The following CEMIP2 variants were observed in gnomAD, a reference collection of about 807,000 sequenced individuals.
CEMIP2 encodes cell surface hyaluronidase CEMIP2.
CEMIP2 carries 79 observed loss-of-function variants against 146.9 expected under a neutral mutation model. The observed-to-expected ratio is 0.54, with a 90% CI of 0.45 to 0.65. CEMIP2 has a LOEUF of 0.65. CEMIP2 is among the 30% of genes least tolerant of loss of function. The pLI is 0.00. For synonymous variants in CEMIP2, 601 were observed against 606.3 expected (o/e 0.99, Z 0.13); for missense variants, 1,596 against 1,696.2 (o/e 0.94, Z 1.04).
rs147290660 is a variant in CEMIP2, at chr9:71,727,290, G to A, written c.2050-1581C>T. Among the ~76,000 whole-genome samples the A allele has an allele frequency of 6.3e-4, 96 of 152,238 alleles. No homozygotes were observed. The East Asian group carries it at 9.8e-3, about 16-fold the overall frequency. On this transcript the variant is annotated intron_variant, in intron 10 of 23. Coordinates refer to ENST00000377044, the MANE Select transcript of CEMIP2 (RefSeq NM_013390.3). ...AGAAATCTTTGTTCTGACTGTTGAC[G>A]CATAATGTTACATAGATCAGAAGAT...
intron 2 of CEMIP2, among the ~76,000 whole-genome samples, chr9:71,748,022 G>C (rs185682950): frequency 6.6e-6 from 1 of 152,088 alleles, no homozygotes; most frequent in Non-Finnish European, 1.5e-5. Context: ...TTAATAATGA[G>C]GATTCCTTAA....
chr9:71,692,650 T>C (rs549409808), intron 21 of CEMIP2, among the ~76,000 whole-genome samples: 13 of 152,266 alleles, frequency 8.5e-5, no homozygotes, highest in South Asian at 2.1e-4. Flanking sequence ...GGCTCACACC[T>C]GTAATCCCAG....
intron 1 of CEMIP2, among the ~76,000 whole-genome samples, chr9:71,767,641 T>G (rs1026001009): frequency 9.2e-5 from 14 of 152,188 alleles, no homozygotes; most frequent in Admixed American, 7.9e-4. Context: ...CCACTAGTGC[T>G]ATTAACAGCA....
intron 21 of CEMIP2, among the ~76,000 whole-genome samples, chr9:71,693,193 C>T (rs1204711337): frequency 6.6e-6 from 1 of 152,112 alleles, no homozygotes; most frequent in Non-Finnish European, 1.5e-5. Flanking sequence ...TTATGTTGCC[C>T]ACCACTAAAA....
chr9:71,686,315 G>A (rs1822059605), intron 22 of CEMIP2: 1 of 159,634 alleles, frequency 6.3e-6, no homozygotes, highest in South Asian at 1.8e-4. Context: ...GAGGGATCTA[G>A]GTTGTGTGCT....
intron 18 of CEMIP2, among the ~76,000 whole-genome samples, chr9:71,702,874 G>A (rs1208247110): frequency 6.6e-6 from 1 of 152,086 alleles, no homozygotes; most frequent in Non-Finnish European, 1.5e-5. Flanking sequence ...AGTATCTGAT[G>A]GAAAGGTATG....
chr9:71,746,126 T>C, intron 3 of CEMIP2, 75 bp downstream of exon 3: 1 of 1,519,174 alleles, frequency 6.6e-7, no homozygotes, highest in Non-Finnish European at 8.9e-7. Context: ...AATAGTCTTC[T>C]ACATAAGGAA....
At chr9:71,691,211 T>A (rs1418157792) in intron 21 of CEMIP2, among the ~76,000 whole-genome samples, 1 of 152,136 alleles carries the variant, frequency 6.6e-6, no homozygotes, top group Non-Finnish European at 1.5e-5. Flanking sequence ...GGTGGGTGAA[T>A]CACCTGAGGT....
chr9:71,688,991 C>T (rs1052866680), intron 22 of CEMIP2, among the ~76,000 whole-genome samples: 2 of 152,256 alleles, frequency 1.3e-5, no homozygotes, highest in Admixed American at 1.3e-4. Context: ...TCTTAAAAGC[C>T]TTTCTGTTAA....
Position 71,685,071 on chromosome 9 carries a change from T to G in CEMIP2, c.*126A>C. The G allele has an allele frequency of 2.3e-6, 2 of 863,980 alleles. No individual in the cohort carries two copies. Among genetic ancestry groups the G allele is most frequent in the Non-Finnish European group, 3.4e-6 (2 of 593,338 alleles). The allele number at this position is 863,980 out of a possible 1,614,324, so 53.5% of individuals were successfully genotyped here. ...AAGCAATAATTTCAAACGCTTTCTTTTCTCCCCATTCTGTATCAAACTGGA... is the reference window on the plus strand; with the variant it reads ...AAGCAATAATTTCAAACGCTTTCTTGTCTCCCCATTCTGTATCAAACTGGA... On this transcript the variant is annotated 3_prime_UTR_variant, in exon 24 of 24. Coordinates refer to ENST00000377044, the MANE Select transcript of CEMIP2 (RefSeq NM_013390.3).
At chr9:71,721,956 G>A (rs62546998) in intron 12 of CEMIP2, among the ~76,000 whole-genome samples, 14,651 of 152,148 alleles carry the variant, frequency 0.096, 761 homozygotes, top group Admixed American at 0.14. Context: ...GGCTACAAAG[G>A]GCTGAACCAG....
At position 71,746,293 on chromosome 9, in the gene CEMIP2, T is replaced by A. The variant is rs145273850; in HGVS notation, c.380A>T (p.Gln127Leu). 6.9e-4 allele frequency: 1,110 copies of A among 1,613,968 alleles called. 2 individuals are homozygous for A. Among genetic ancestry groups the A allele is most frequent in the Non-Finnish European group, 8.9e-4 (1,050 of 1,179,848 alleles). Reference sequence around the variant, plus strand: ...GATAACAACTTGCTTTGCAGAATCTTGTCCTGGATCCCAATTCCTGAGACG... The same window carrying A: ...GATAACAACTTGCTTTGCAGAATCTAGTCCTGGATCCCAATTCCTGAGACG... ...NPRLRNWDPG[Q>L]DSAKQVVIKE... Residue 127 changes from glutamine to leucine, a missense_variant, in exon 3 of 24, where the codon CAA becomes CTA. Gln to Leu is a moderately radical substitution (Grantham distance 113). Coordinates refer to ENST00000377044, the MANE Select transcript of CEMIP2 (RefSeq NM_013390.3).
At chr9:71,763,034 A>G (rs1253845186) in intron 1 of CEMIP2, among the ~76,000 whole-genome samples, 1 of 151,900 alleles carries the variant, frequency 6.6e-6, no homozygotes, top group Non-Finnish European at 1.5e-5. Context: ...TATTTTTTTA[A>G]TGTTATGTTT....
intron 1 of CEMIP2, among the ~76,000 whole-genome samples, chr9:71,754,835 A>G (rs1164357310): frequency 6.6e-6 from 1 of 152,174 alleles, no homozygotes; most frequent in African/African-American, 2.4e-5. Context: ...GCAGTATTAA[A>G]TTAAATAATA....
intron 2 of CEMIP2, among the ~76,000 whole-genome samples, chr9:71,749,719 G>GA (rs753353445): frequency 2.2e-3 from 322 of 148,612 alleles, no homozygotes; most frequent in Middle Eastern, 3.5e-3. Flanking sequence ...AAGAAAAAAA[G>GA]AAAAAAAAAA....
intron 8 of CEMIP2, 85 bp from the exon 9 acceptor site, chr9:71,730,338 C>A: frequency 7.4e-7 from 1 of 1,358,496 alleles, no homozygotes; most frequent in South Asian, 1.3e-5. Flanking sequence ...GTAGCATGTT[C>A]AGTACAAGTG....
At chr9:71,744,550 A>G (rs2132004680) in intron 4 of CEMIP2, among the ~76,000 whole-genome samples, 1 of 152,258 alleles carries the variant, frequency 6.6e-6, no homozygotes, top group Middle Eastern at 3.4e-3. Context: ...GGAGTCCGAA[A>G]AAAGAAAAAG....
At chr9:71,743,157 A>G (rs1823972062) in intron 4 of CEMIP2, among the ~76,000 whole-genome samples, 1 of 150,976 alleles carries the variant, frequency 6.6e-6, no homozygotes, top group African/African-American at 2.4e-5. Context: ...GCCGGACACA[A>G]AATATAACAT....
intron 1 of CEMIP2, among the ~76,000 whole-genome samples, chr9:71,768,154 G>C (rs1371083259): frequency 6.6e-6 from 1 of 152,204 alleles, no homozygotes; most frequent in African/African-American, 2.4e-5. Context: ...CCAATCCAGA[G>C]ATGAAACCGG....
Sources: allele counts gnomAD v4.1 joint callset (sites outside exome capture counted in the v4.1 genomes callset), GRCh38; gene constraint gnomAD v4.1.1; transcripts MANE v1.5; gene names NCBI Gene and HGNC (gene_info 2026-07-23, HGNC 2026-07-21).